B3GALT1: variants seen among roughly 807,000 people sequenced by gnomAD.
B3GALT1 encodes beta-1,3-galactosyltransferase 1, also known as UDP-Gal:betaGlcNAc beta 1,3-galactosyltransferase, polypeptide 1.
A neutral mutation model predicts 23.2 loss-of-function variants in B3GALT1; 10 were observed. That is an observed-to-expected ratio of 0.43 (90% CI 0.27 to 0.73). The LOEUF is 0.73. Ranked by LOEUF, B3GALT1 falls within the 30% of genes least tolerant of loss-of-function variation. B3GALT1 has a pLI of 0.21. For synonymous variants in B3GALT1, 156 were observed against 141.5 expected (o/e 1.10, Z -0.73); for missense variants, 299 against 405.4 (o/e 0.74, Z 2.25).
chr2:167,638,398 T>A (rs1409525024), intron 2 of B3GALT1, among the ~76,000 whole-genome samples: 2 of 152,090 alleles, frequency 1.3e-5, no homozygotes, highest in Non-Finnish European at 2.9e-5. Context: ...TTTTCAATGA[T>A]CTTGTTTAAA....
chr2:167,843,507 G>A (rs1689692050), intron 4 of B3GALT1, among the ~76,000 whole-genome samples: 1 of 152,168 alleles, frequency 6.6e-6, no homozygotes, highest in South Asian at 2.1e-4. Context: ...GCTGATTTCA[G>A]CCTCTTAATA....
chr2:167,714,486 G>T lies in B3GALT1; in HGVS notation c.-352+67520G>T, dbSNP rs186712311. The T allele has an allele frequency of 1.5e-4, 245 of 1,606,188 alleles. 1 individual carries two copies. The highest frequency in any genetic ancestry group is 3.3e-4 in the Admixed American group (20 of 60,002). On this transcript the variant is annotated intron_variant, in intron 3 of 4. Coordinates refer to ENST00000392690, the MANE Select transcript of B3GALT1 (RefSeq NM_020981.4). The stretch of plus-strand genomic sequence containing the variant: ...AGAAAAGCTCTCGTTTCAGATGAAG[G>T]CTGACCCAACGGTGAGGGACCATAT...
chr2:167,545,023 CTTTTTTTTTTTTTT>C (rs869066627), intron 2 of B3GALT1, among the ~76,000 whole-genome samples: 21 of 54,286 alleles, frequency 3.9e-4, no homozygotes, highest in African/African-American at 7.0e-4. Context: ...GCTTGGGTGT[CTTTTTTTTTTTTTT>C]TTTTTTTTTT....
intron 3 of B3GALT1, among the ~76,000 whole-genome samples, chr2:167,780,389 C>T (rs1369191378): frequency 2.6e-5 from 4 of 152,108 alleles, no homozygotes; most frequent in South Asian, 4.1e-4. Context: ...GCATTTTGTA[C>T]TCTGCAAGGG....
intron 1 of B3GALT1, among the ~76,000 whole-genome samples, chr2:167,486,357 C>CAAAAAAA (rs56092916): frequency 1.8e-5 from 2 of 113,432 alleles, no homozygotes; most frequent in East Asian, 2.3e-4. Context: ...GACTCTGTCT[C>CAAAAAAA]AAAAAAAAAA....
intron 3 of B3GALT1, among the ~76,000 whole-genome samples, chr2:167,733,275 T>C (rs1463269816): frequency 6.6e-6 from 1 of 151,070 alleles, no homozygotes; most frequent in Non-Finnish European, 1.5e-5. Flanking sequence ...TTAACCATTA[T>C]GATACCTACC....
Position 167,654,601 on chromosome 2 carries a change from G to A in B3GALT1, c.-352+7635G>A, listed in dbSNP as rs191514186. On this transcript the variant is annotated intron_variant, in intron 3 of 4. Coordinates refer to ENST00000392690, the MANE Select transcript of B3GALT1 (RefSeq NM_020981.4). Reference sequence around the variant, plus strand: ...TGCAGCCTTCTGGGCTCAAAGGATCGTCTTGCCTCAGCCTCCCAAGTAGCT... The same window carrying A: ...TGCAGCCTTCTGGGCTCAAAGGATCATCTTGCCTCAGCCTCCCAAGTAGCT... Among the ~76,000 whole-genome samples, 348 of 151,884 alleles carry A rather than the reference G, an allele frequency of 2.3e-3. 1 individual carries two copies. Among genetic ancestry groups the A allele is most frequent in the African/African-American group, 7.9e-3 (326 of 41,448 alleles).
intron 2 of B3GALT1, among the ~76,000 whole-genome samples, chr2:167,526,745 A>T (rs1055598122): frequency 2.6e-5 from 4 of 152,216 alleles, no homozygotes; most frequent in African/African-American, 9.6e-5. Context: ...ACTTTATTTC[A>T]GAATTTATAG....
intron 3 of B3GALT1, among the ~76,000 whole-genome samples, chr2:167,725,717 A>G (rs1408686539): frequency 6.6e-6 from 1 of 152,094 alleles, no homozygotes; most frequent in Non-Finnish European, 1.5e-5. Context: ...ACCCTCTTCC[A>G]CACTCTGACC....
At chr2:167,330,418 G>A (rs779458033) in intron 1 of B3GALT1, among the ~76,000 whole-genome samples, 3 of 152,076 alleles carry the variant, frequency 2.0e-5, no homozygotes, top group South Asian at 2.1e-4. Flanking sequence ...ATCAGCCTGG[G>A]CAACATAGTG....
intron 4 of B3GALT1, among the ~76,000 whole-genome samples, chr2:167,828,903 C>T (rs557964992): frequency 1.2e-4 from 19 of 152,296 alleles, no homozygotes; most frequent in African/African-American, 4.1e-4. Context: ...CTAAAATTAT[C>T]ATACTCAAAT....
intron 3 of B3GALT1, among the ~76,000 whole-genome samples, chr2:167,672,447 A>G (rs1005216764): frequency 2.0e-5 from 3 of 152,164 alleles, no homozygotes; most frequent in Non-Finnish European, 2.9e-5. Context: ...GAAGATGTTC[A>G]TCTTCATTCC....
At chr2:167,792,600 G>T (rs916512969) in intron 3 of B3GALT1, among the ~76,000 whole-genome samples, 2 of 152,132 alleles carry the variant, frequency 1.3e-5, no homozygotes, top group Non-Finnish European at 2.9e-5. Context: ...ACAAAACTTG[G>T]CAGGAACCAG....
intron 3 of B3GALT1, among the ~76,000 whole-genome samples, chr2:167,754,849 A>G (rs952141836): frequency 1.3e-5 from 2 of 152,192 alleles, no homozygotes; most frequent in African/African-American, 4.8e-5. Context: ...AAAAAATAAA[A>G]ATGTCAATCA....
At chr2:167,371,517 A>T (rs1697684498) in intron 1 of B3GALT1, among the ~76,000 whole-genome samples, 1 of 152,202 alleles carries the variant, frequency 6.6e-6, no homozygotes, top group South Asian at 2.1e-4. Flanking sequence ...TCTTACAAAT[A>T]GATTTTATTA....
chr2:167,471,529 A>T (rs896401199), intron 1 of B3GALT1, among the ~76,000 whole-genome samples: 12 of 152,314 alleles, frequency 7.9e-5, no homozygotes, highest in Non-Finnish European at 1.5e-4. Flanking sequence ...AACCCAGCTG[A>T]TGCAGAGTTT....
At chr2:167,428,822 AAT>A (rs1239034599) in intron 1 of B3GALT1, among the ~76,000 whole-genome samples, 1 of 152,180 alleles carries the variant, frequency 6.6e-6, no homozygotes, top group Non-Finnish European at 1.5e-5. Context: ...CTGAGAGTAT[AAT>A]ACTAAAGGAC....
chr2:167,824,368 TACTTGCA>T (rs780565074), intron 4 of B3GALT1, among the ~76,000 whole-genome samples: 30 of 152,368 alleles, frequency 2.0e-4, no homozygotes, highest in African/African-American at 3.1e-4. Flanking sequence ...AATAGGCAGC[TACTTGCA>T]ACTTGCAACT....
At chr2:167,851,468 A>G (rs759339479) in intron 4 of B3GALT1, among the ~76,000 whole-genome samples, 15 of 152,206 alleles carry the variant, frequency 9.9e-5, no homozygotes, top group Non-Finnish European at 2.1e-4. Flanking sequence ...GAGTAAAAAC[A>G]AAAATCTGTG....
Sources: allele counts gnomAD v4.1 joint callset (sites outside exome capture counted in the v4.1 genomes callset), GRCh38; gene constraint gnomAD v4.1.1; transcripts MANE v1.5; gene names NCBI Gene and HGNC (gene_info 2026-07-23, HGNC 2026-07-21).